The following FAM114A1 variants were observed in gnomAD, a reference collection of about 807,000 sequenced individuals.
The protein encoded by FAM114A1 is protein NOXP20.
In FAM114A1, 62 loss-of-function variants were observed where a neutral mutation model predicts 64.3. The ratio of observed to expected loss-of-function variants is 0.96; its 90% CI spans 0.79 to 1.19. The LOEUF is 1.19. FAM114A1 is among the 50% of genes most tolerant of loss of function. FAM114A1 has a pLI of 0.00. For missense variants in FAM114A1, 645 were observed against 676.3 expected (o/e 0.95, Z 0.51); for synonymous variants, 254 against 251.1 (o/e 1.01, Z -0.11).
chr4:38,912,982 G>A (rs1718700184), intron 7 of FAM114A1, among the ~76,000 whole-genome samples: 1 of 152,208 alleles, frequency 6.6e-6, no homozygotes, highest in South Asian at 2.1e-4. Context: ...AGACAGACAG[G>A]AGAGAGAATT....
intron 4 of FAM114A1, among the ~76,000 whole-genome samples, chr4:38,901,092 C>T (rs77061790): frequency 0.012 from 1,818 of 152,216 alleles, 36 homozygotes; most frequent in African/African-American, 0.041. Context: ...GAAATATTGT[C>T]TTAAAAAATA....
intron 2 of FAM114A1, among the ~76,000 whole-genome samples, chr4:38,877,647 G>A (rs1004965376): frequency 6.6e-6 from 1 of 150,764 alleles, no homozygotes; most frequent in East Asian, 1.9e-4. Context: ...GACCCACAAG[G>A]TTACATAGAG....
chr4:38,897,389 T>C (rs189371425), intron 4 of FAM114A1, among the ~76,000 whole-genome samples: 52 of 152,322 alleles, frequency 3.4e-4, no homozygotes, highest in African/African-American at 1.3e-3. Context: ...TAATTGAAAT[T>C]ATGTCTACTC....
chr4:38,912,324 G>T (rs982318793), intron 7 of FAM114A1, among the ~76,000 whole-genome samples: 1 of 152,030 alleles, frequency 6.6e-6, no homozygotes, highest in Non-Finnish European at 1.5e-5. Flanking sequence ...AATAGAACCA[G>T]CCTCCGTTGT....
chr4:38,877,201 G>T (rs1714729750), intron 2 of FAM114A1, among the ~76,000 whole-genome samples: 1 of 152,166 alleles, frequency 6.6e-6, no homozygotes, highest in Non-Finnish European at 1.5e-5. Flanking sequence ...GGGTGCGGGG[G>T]AGATGCTTTT....
rs368873183 is a variant in FAM114A1 at position 38,941,941 on chromosome 4, A to T, written c.1590+920A>T. On this transcript the variant is annotated intron_variant, in intron 14 of 14. Transcript: ENST00000358869. ...AGACTGGGCAATTTACAAAAGAAAG[A>T]AATTTAATGGACTCACAATTCCACG... Among the ~76,000 whole-genome samples, 53 of 152,348 alleles carry T rather than the reference A, an allele frequency of 3.5e-4. 1 individual carries two copies. The East Asian group carries it at 6.4e-3, about 18-fold the overall frequency.
intron 3 of FAM114A1, among the ~76,000 whole-genome samples, chr4:38,890,903 A>G (rs1251157941): frequency 6.6e-6 from 1 of 152,250 alleles, no homozygotes; most frequent in East Asian, 1.9e-4. Flanking sequence ...CAGGGCCTTC[A>G]GAGGGACAGA....
intron 8 of FAM114A1, among the ~76,000 whole-genome samples, chr4:38,919,045 C>T (rs111788684): frequency 3.3e-5 from 5 of 151,846 alleles, no homozygotes; most frequent in South Asian, 4.2e-4. Flanking sequence ...CTCAGCTACT[C>T]GGGAGGCTGA....
chr4:38,887,321 T>A (rs1190792856), intron 3 of FAM114A1, among the ~76,000 whole-genome samples: 1 of 152,242 alleles, frequency 6.6e-6, no homozygotes. Flanking sequence ...AATCAAACAG[T>A]CACTTTCAAG....
chr4:38,931,963 C>A (rs1720678388), intron 11 of FAM114A1, among the ~76,000 whole-genome samples: 1 of 152,148 alleles, frequency 6.6e-6, no homozygotes, highest in South Asian at 2.1e-4. Flanking sequence ...TTCCACACAC[C>A]TTCTTTAGCA....
rs1721874465 is a variant in FAM114A1 at position 38,945,150 on chromosome 4, A to G, written c.*1593A>G. The G allele has an allele frequency of 6.6e-6, 1 of 152,262 alleles. No homozygotes were observed. Among genetic ancestry groups the G allele is most frequent in the African/African-American group, 2.4e-5 (1 of 41,468 alleles). The allele number at this position is 152,262 out of a possible 1,614,324, so 9.4% of individuals were successfully genotyped here. A position where few individuals can be genotyped will look rare whatever the true frequency, so the allele number is the denominator to read the frequency against. Reference sequence around the variant, plus strand: ...TTACAAAGCTTGGAAGTATTCAAATAGAAAATCAAAGGTGTTTCAATACAG... The same window carrying G: ...TTACAAAGCTTGGAAGTATTCAAATGGAAAATCAAAGGTGTTTCAATACAG... On this transcript the variant is annotated 3_prime_UTR_variant, in exon 15 of 15. Transcript: ENST00000358869.
At position 38,932,255 on chromosome 4, in the gene FAM114A1, T is replaced by C; in HGVS notation, c.1344T>C (p.Ile448=). The C allele has an allele frequency of 6.2e-7, 1 of 1,606,640 alleles. No individual in the cohort carries two copies. The highest frequency in any genetic ancestry group is 8.5e-7 in the Non-Finnish European group (1 of 1,178,370). The change falls in exon 12 of 15, where the codon ATT becomes ATC. Residue 448 remains isoleucine (I), a synonymous_variant. Coordinates refer to ENST00000358869, the MANE Select transcript of FAM114A1 (RefSeq NM_138389.4). The stretch of plus-strand genomic sequence containing the variant: ...TTCAGGAAGTATACATGTCGTCCAT[T>C]GAAAGTCTGGCGGAGGTAACAGCGC... ...KTIEEVYMSS[I]ESLAEVTARC...
intron 2 of FAM114A1, among the ~76,000 whole-genome samples, chr4:38,871,150 C>T (rs933852318): frequency 7.3e-6 from 1 of 136,160 alleles, no homozygotes; most frequent in African/African-American, 2.8e-5. Flanking sequence ...AGTGCAGTGG[C>T]ATGATCCTGG....
intron 3 of FAM114A1, among the ~76,000 whole-genome samples, chr4:38,880,488 A>G (rs1300770347): frequency 2.6e-5 from 4 of 152,220 alleles, no homozygotes; most frequent in Non-Finnish European, 5.9e-5. Context: ...AATAGCAATA[A>G]CAGCCACAAA....
In FAM114A1 at chr4:38,922,757, T is replaced by C. The variant is rs1314680993; in HGVS notation, c.946-13T>C. 1.9e-6 allele frequency: 3 copies of C among 1,606,234 alleles called. No individual in the cohort carries two copies. Among genetic ancestry groups the C allele is most frequent in the Non-Finnish European group, 1.7e-6 (2 of 1,177,844 alleles). On this transcript the variant is annotated splice_polypyrimidine_tract_variant and intron_variant, in intron 8 of 14. Transcript: ENST00000358869. ...AAAAGATGACAGTCGTGCTGACCTATTTCTTTTTTCAGGTTCAGTCATTTT... is the reference window on the plus strand; with the variant it reads ...AAAAGATGACAGTCGTGCTGACCTACTTCTTTTTTCAGGTTCAGTCATTTT...
chr4:38,886,925 C>A (rs189929816), intron 3 of FAM114A1, among the ~76,000 whole-genome samples: 32 of 133,310 alleles, frequency 2.4e-4, no homozygotes, highest in Non-Finnish European at 3.9e-4. Flanking sequence ...GAGACTCCGT[C>A]TCAAAAAAAA....
chr4:38,915,975 C>T (rs1322982935), intron 8 of FAM114A1, among the ~76,000 whole-genome samples: 3 of 152,066 alleles, frequency 2.0e-5, no homozygotes, highest in Admixed American at 6.6e-5. Flanking sequence ...AGGGAGGGGC[C>T]GTGGTGACAT....
At chr4:38,915,771 G>GTC (rs56708617) in intron 8 of FAM114A1, among the ~76,000 whole-genome samples, 8,468 of 151,374 alleles carry the variant, frequency 0.056, 630 homozygotes, top group African/African-American at 0.16. Flanking sequence ...GTGTGTGTGT[G>GTC]TGTGTGTGTG....
intron 13 of FAM114A1, among the ~76,000 whole-genome samples, chr4:38,939,471 G>A (rs1056602710): frequency 1.3e-5 from 2 of 151,936 alleles, no homozygotes; most frequent in South Asian, 2.1e-4. Flanking sequence ...TCATCTTATT[G>A]CCCTCATTTG....
Sources: allele counts gnomAD v4.1 joint callset (sites outside exome capture counted in the v4.1 genomes callset), GRCh38; gene constraint gnomAD v4.1.1; transcripts MANE v1.5; gene names NCBI Gene and HGNC (gene_info 2026-07-23, HGNC 2026-07-21).